MPRIP: variants seen among roughly 807,000 people sequenced by gnomAD.
MPRIP encodes the protein myosin phosphatase Rho-interacting protein.
A neutral mutation model predicts 234.9 loss-of-function variants in MPRIP; 59 were observed. The observed-to-expected ratio is 0.25, with a 90% CI of 0.20 to 0.31. The LOEUF (loss-of-function observed/expected upper bound fraction) is 0.31. MPRIP is among the 10% of genes least tolerant of loss of function. The pLI, the probability that MPRIP is intolerant of heterozygous loss-of-function variation, is 1.00. For missense variants in MPRIP, 2,436 were observed against 3,071.0 expected (o/e 0.79, Z 4.89); for synonymous variants, 1,144 against 1,263.9 (o/e 0.91, Z 2.01).
At chr17:17,086,328 G>A (rs894681434) in intron 3 of MPRIP, among the ~76,000 whole-genome samples, 4 of 152,176 alleles carry the variant, frequency 2.6e-5, no homozygotes, top group South Asian at 2.1e-4. Flanking sequence ...CCCTCCACCC[G>A]ACTTGACTTT....
intron 3 of MPRIP, chr17:17,097,357 G>C (rs1039868031): frequency 6.5e-6 from 1 of 152,904 alleles, no homozygotes; most frequent in African/African-American, 2.4e-5. Flanking sequence ...GCCAGGCATG[G>C]TGGTTCATGC....
At chr17:17,081,074 C>A (rs1186195727) in intron 3 of MPRIP, among the ~76,000 whole-genome samples, 2 of 152,194 alleles carry the variant, frequency 1.3e-5, no homozygotes, top group Non-Finnish European at 2.9e-5. Flanking sequence ...TCTAAGCAGC[C>A]CGTGGCTACC....
At chr17:17,132,960 G>A (rs925218888) in intron 5 of MPRIP, among the ~76,000 whole-genome samples, 5 of 152,158 alleles carry the variant, frequency 3.3e-5, no homozygotes, top group South Asian at 4.1e-4. Flanking sequence ...GTTACACTGC[G>A]TTTCCATGGT....
intron 3 of MPRIP, among the ~76,000 whole-genome samples, chr17:17,119,770 CAA>C (rs1010184826): frequency 6.6e-6 from 1 of 152,190 alleles, no homozygotes; most frequent in African/African-American, 2.4e-5. Flanking sequence ...AGTTTGCAGA[CAA>C]AGCTTTTCAT....
chr17:17,065,631 T>A (rs561038389), intron 1 of MPRIP, among the ~76,000 whole-genome samples: 25 of 152,252 alleles, frequency 1.6e-4, no homozygotes, highest in African/African-American at 4.1e-4. Context: ...CTTTTTTTTT[T>A]AAATTAAAAA....
At chr17:17,175,471 G>A in intron 20 of MPRIP, 59 bp downstream of exon 20, 2 of 1,497,524 alleles carry the variant, frequency 1.3e-6, no homozygotes, top group East Asian at 4.9e-5. Context: ...CCCCAGGGGA[G>A]TGCAGCATGG....
rs191444721 is a variant in MPRIP at position 17,135,455 on chromosome 17, G to C, written c.505-764G>C. 5.1e-4 allele frequency among the ~76,000 whole-genome samples: 78 copies of C among 152,338 alleles called. 1 individual carries two copies. In the East Asian group the frequency reaches 9.6e-3, roughly 19 times the overall value. Reference sequence around the variant, plus strand: ...TGTGTGCCTGTGTGCAGATTCAAGTGGGGTATTTGGTGTCTTTGTGTGTTC... The same window carrying C: ...TGTGTGCCTGTGTGCAGATTCAAGTCGGGTATTTGGTGTCTTTGTGTGTTC... On this transcript the variant is annotated intron_variant, in intron 5 of 23. Transcript: ENST00000651222.
intron 4 of MPRIP, among the ~76,000 whole-genome samples, chr17:17,127,275 C>G (rs779179200): frequency 2.0e-5 from 3 of 152,226 alleles, no homozygotes; most frequent in Non-Finnish European, 2.9e-5. Context: ...GCTGTGTCCA[C>G]GTGTGTCTCT....
At chr17:17,082,415 C>T (rs908058722) in intron 3 of MPRIP, among the ~76,000 whole-genome samples, 1 of 150,204 alleles carries the variant, frequency 6.7e-6, no homozygotes, top group African/African-American at 2.5e-5. Context: ...CCTGCCTCAG[C>T]CTCCGGAGTA....
chr17:17,090,007 GCCT>G, intron 3 of MPRIP, among the ~76,000 whole-genome samples: 1 of 151,660 alleles, frequency 6.6e-6, no homozygotes, highest in Non-Finnish European at 1.5e-5. Flanking sequence ...ACGACGCCTG[GCCT>G]CCTGTTCACT....
intron 4 of MPRIP, 88 bp downstream of exon 4, chr17:17,126,941 A>T: frequency 7.4e-6 from 11 of 1,493,640 alleles, no homozygotes; most frequent in Non-Finnish European, 1.0e-5. Context: ...GGCAGTGTCG[A>T]TGTTGTCTAC....
chr17:17,067,404 T>G (rs1597742093), intron 1 of MPRIP, among the ~76,000 whole-genome samples: 1 of 152,164 alleles, frequency 6.6e-6, no homozygotes, highest in South Asian at 2.1e-4. Flanking sequence ...TGACAGCTAC[T>G]AAGTGACTAA....
chr17:17,153,063 C>A (rs1361782277), intron 12 of MPRIP, among the ~76,000 whole-genome samples: 2 of 152,204 alleles, frequency 1.3e-5, no homozygotes, highest in African/African-American at 4.8e-5. Context: ...GCAACGCCCA[C>A]ACCTGGGGGT....
At chr17:17,092,204 G>A (rs1323905760) in intron 3 of MPRIP, among the ~76,000 whole-genome samples, 1 of 152,250 alleles carries the variant, frequency 6.6e-6, no homozygotes, top group African/African-American at 2.4e-5. Context: ...GGGGCAGATG[G>A]CTAGAGCCAC....
At chr17:17,156,348 A>G (rs1177883915) in intron 13 of MPRIP, among the ~76,000 whole-genome samples, 1 of 152,086 alleles carries the variant, frequency 6.6e-6, no homozygotes, top group East Asian at 1.9e-4. Flanking sequence ...TGGCCTCCTG[A>G]CTAAGAATTA....
chr17:17,124,968 G>A (rs2090462968), intron 3 of MPRIP, among the ~76,000 whole-genome samples: 2 of 152,158 alleles, frequency 1.3e-5, no homozygotes, highest in Admixed American at 6.5e-5. Context: ...CACTCAGTGT[G>A]GGTCTCCCCA....
chr17:17,147,346 G>T lies in MPRIP; in HGVS notation c.1588G>T (p.Asp530Tyr), dbSNP rs199589224. ...GAAGAAACACTGGTTTGTCCTCGCC[G>T]ATCAAAGCCTGAGATACTACAGGGA... is the stretch of plus-strand genomic sequence containing the variant. ...QWKKHWFVLA[D>Y]QSLRYYRDSV... The change falls in exon 11 of 24, where the codon GAT (aspartate) becomes TAT (tyrosine). Residue 530 changes from aspartate (D) to tyrosine (Y), a missense_variant. Asp to Tyr is a radical substitution (Grantham distance 160, BLOSUM62 -3). Around this residue, in one of 4 missense-constraint regions of MPRIP, gnomAD observed 1,998 missense variants for 2,520.3 expected, o/e 0.79. Transcript: ENST00000651222. 3 of 1,613,968 alleles carry T rather than the reference G, an allele frequency of 1.9e-6. No individual in the cohort carries two copies. The highest frequency in any genetic ancestry group is 1.1e-5 in the South Asian group (1 of 91,066).
chr17:17,117,899 G>A (rs2090316740), intron 3 of MPRIP, among the ~76,000 whole-genome samples: 1 of 152,240 alleles, frequency 6.6e-6, no homozygotes, highest in Non-Finnish European at 1.5e-5. Context: ...CACAGAGCTA[G>A]TGAGTGCAGA....
rs1473454312 is a variant in MPRIP, at chr17:17,126,718, A to G, written c.284A>G (p.Gln95Arg). The G allele has an allele frequency of 6.2e-7, 1 of 1,612,744 alleles. No individual in the cohort carries two copies. The highest frequency in any genetic ancestry group is 8.5e-7 in the Non-Finnish European group (1 of 1,179,284). ...TTCTTCCAGCCCACGACCCTTCCTC[A>G]GGGCACCATCAACATGAACCAGTGC... Reference protein sequence around the residue: ...ALDEMPTTLPQGTINMNQCTD... With the variant: ...ALDEMPTTLPRGTINMNQCTD... The change falls in exon 4 of 24, where the codon CAG becomes CGG. Residue 95 changes from glutamine (Q) to arginine (R), a missense_variant. Around this residue, in one of 4 missense-constraint regions of MPRIP, gnomAD observed 140 missense variants for 207.3 expected, o/e 0.68. Transcript: ENST00000651222.
Sources: allele counts gnomAD v4.1 joint callset (sites outside exome capture counted in the v4.1 genomes callset), GRCh38; gene constraint gnomAD v4.1.1; regional missense constraint gnomAD v4.1.1; transcripts MANE v1.5; gene names NCBI Gene and HGNC (gene_info 2026-07-23, HGNC 2026-07-21).